The following SETBP1 variants were observed in gnomAD, a reference collection of about 807,000 sequenced individuals.
SETBP1 encodes SET-binding protein.
In SETBP1, 9 loss-of-function variants were observed where a neutral mutation model predicts 101.0. That is an observed-to-expected ratio of 0.09 (90% confidence interval 0.05 to 0.16). The LOEUF is 0.16. Among genes scored for constraint, SETBP1 ranks in the 10% least tolerant of loss-of-function variants. SETBP1 has a pLI of 1.00. For missense variants in SETBP1, 1,858 were observed against 2,033.8 expected, an observed-to-expected ratio of 0.91 and a Z score of 1.66; for synonymous variants, 818 against 788.5, an observed-to-expected ratio of 1.04 and a Z score of -0.63.
intron 2 of SETBP1, among the ~76,000 whole-genome samples, chr18:44,803,877 A>G (rs910147214): frequency 6.6e-6 from 1 of 151,958 alleles, no homozygotes; most frequent in African/African-American, 2.4e-5. Context: ...TAGACAATTG[A>G]ATATTTTTTC....
At chr18:44,911,187 T>C (rs2070300339) in intron 3 of SETBP1, among the ~76,000 whole-genome samples, 2 of 152,196 alleles carry the variant, frequency 1.3e-5, no homozygotes, top group Non-Finnish European at 2.9e-5. Context: ...TCTAATATGA[T>C]TACCCTCATT....
intron 4 of SETBP1, among the ~76,000 whole-genome samples, chr18:44,994,842 G>T (rs2072456105): frequency 6.6e-6 from 1 of 152,158 alleles, no homozygotes; most frequent in African/African-American, 2.4e-5. Context: ...CCATATGTAT[G>T]ATAAAACTGC....
chr18:45,021,276 A>G (rs2073060693), intron 4 of SETBP1, among the ~76,000 whole-genome samples: 1 of 152,198 alleles, frequency 6.6e-6, no homozygotes, highest in Non-Finnish European at 1.5e-5. Context: ...TATGCCAGCT[A>G]TCATCTATTT....
chr18:44,819,847 C>T (rs2072068169), intron 2 of SETBP1, among the ~76,000 whole-genome samples: 2 of 152,200 alleles, frequency 1.3e-5, no homozygotes, highest in African/African-American at 4.8e-5. Flanking sequence ...TGCGTGTAAC[C>T]TACATGGACA....
At position 44,722,681 on chromosome 18, in the gene SETBP1, G is replaced by A. The variant is rs946783184; in HGVS notation, c.486+20849G>A. ...TGTGGATGGGATGAACAAAATTCGG[G>A]AGTACGCTCATGAAGGGACTGGTTA... On this transcript the variant is annotated intron_variant, in intron 2 of 5. Transcript: ENST00000649279. Among the ~76,000 whole-genome samples the A allele has an allele frequency of 2.6e-5, 4 of 152,188 alleles. 1 individual carries two copies. Among genetic ancestry groups the A allele is most frequent in the African/African-American group, 9.7e-5 (4 of 41,444 alleles).
At chr18:45,047,220 C>T (rs923365893) in intron 5 of SETBP1, among the ~76,000 whole-genome samples, 15 of 152,072 alleles carry the variant, frequency 9.9e-5, no homozygotes, top group African/African-American at 3.1e-4. Context: ...GAGTCAGGTG[C>T]GATTATTGTA....
intron 5 of SETBP1, among the ~76,000 whole-genome samples, chr18:45,053,345 C>A (rs1192444544): frequency 6.6e-6 from 1 of 152,096 alleles, no homozygotes; most frequent in Non-Finnish European, 1.5e-5. Flanking sequence ...ATCTAGAATT[C>A]ATCTGATAGG....
intron 2 of SETBP1, among the ~76,000 whole-genome samples, chr18:44,861,229 C>CTTTTTTTTTTT (rs775284488): frequency 5.2e-4 from 46 of 88,332 alleles, no homozygotes; most frequent in Non-Finnish European, 7.9e-4. Context: ...TTTTTCTTTT[C>CTTTTTTTTTTT]TTTTTTTTTT....
chr18:44,817,895 G>C (rs988217229), intron 2 of SETBP1, among the ~76,000 whole-genome samples: 5 of 152,194 alleles, frequency 3.3e-5, no homozygotes, highest in African/African-American at 1.2e-4. Flanking sequence ...TGGGCAACCA[G>C]AGTATGGGAA....
chr18:44,703,862 C>T (rs912256811), intron 2 of SETBP1, among the ~76,000 whole-genome samples: 1 of 152,178 alleles, frequency 6.6e-6, no homozygotes. Flanking sequence ...GAAAGTGAGG[C>T]TTTGCATTGG....
At chr18:44,732,952 A>C (rs1357505411) in intron 2 of SETBP1, 1 of 152,174 alleles carries the variant, frequency 6.6e-6, no homozygotes, top group African/African-American at 2.4e-5. Flanking sequence ...TCAAACTCTC[A>C]AAAACCAGAG....
intron 4 of SETBP1, among the ~76,000 whole-genome samples, chr18:44,956,748 C>T (rs1231465163): frequency 6.6e-6 from 1 of 152,144 alleles, no homozygotes; most frequent in Non-Finnish European, 1.5e-5. Flanking sequence ...AAGTCATTAC[C>T]ATTATGGAGA....
At chr18:44,828,539 C>CA (rs1305567720) in intron 2 of SETBP1, among the ~76,000 whole-genome samples, 6 of 152,172 alleles carry the variant, frequency 3.9e-5, no homozygotes, top group Non-Finnish European at 8.8e-5. Flanking sequence ...ATTTCTTGAA[C>CA]ATTGACTGTT....
intron 2 of SETBP1, among the ~76,000 whole-genome samples, chr18:44,821,770 A>G (rs1359862386): frequency 6.6e-6 from 1 of 152,226 alleles, no homozygotes; most frequent in African/African-American, 2.4e-5. Context: ...TGGAAGCTAC[A>G]AAGAAGCAGG....
chr18:44,869,629 TTC>T (rs2069226842), intron 3 of SETBP1: 1 of 356,480 alleles, frequency 2.8e-6, no homozygotes, highest in Non-Finnish European at 5.5e-6. Flanking sequence ...TCCCCTGCAT[TTC>T]TCTCTTTTTG....
At chr18:44,687,156 G>T (rs1001945986) in intron 1 of SETBP1, among the ~76,000 whole-genome samples, 1 of 152,198 alleles carries the variant, frequency 6.6e-6, no homozygotes, top group Non-Finnish European at 1.5e-5. Flanking sequence ...GGTCAAGAAG[G>T]CTGAGGCAGA....
chr18:44,973,150 G>A (rs1012696741), intron 4 of SETBP1, among the ~76,000 whole-genome samples: 8 of 152,022 alleles, frequency 5.3e-5, no homozygotes, highest in African/African-American at 1.7e-4. Context: ...GGTTTTTGTC[G>A]TTGGTTCTCT....
chr18:44,752,322 T>C (rs1414013524), intron 2 of SETBP1, among the ~76,000 whole-genome samples: 1 of 152,208 alleles, frequency 6.6e-6, no homozygotes, highest in Non-Finnish European at 1.5e-5. Flanking sequence ...CCCAGGACTA[T>C]CTTCTTCATG....
At chr18:44,867,904 T>C (rs186942314) in intron 2 of SETBP1, among the ~76,000 whole-genome samples, 52 of 152,322 alleles carry the variant, frequency 3.4e-4, no homozygotes, top group African/African-American at 1.2e-3. Flanking sequence ...ATTTCTTCTC[T>C]TTCTTGACCC....
Sources: allele counts gnomAD v4.1 joint callset (sites outside exome capture counted in the v4.1 genomes callset), GRCh38; gene constraint gnomAD v4.1.1; transcripts MANE v1.5; gene names NCBI Gene and HGNC (gene_info 2026-07-23, HGNC 2026-07-21).